The following TRMT44 variants were observed in gnomAD, a reference collection of about 807,000 sequenced individuals.
TRMT44 encodes the protein probable tRNA (uracil-O(2)-)-methyltransferase.
Under a neutral mutation model 77.3 loss-of-function variants are expected in TRMT44, and 78 were observed. The ratio of observed to expected loss-of-function variants is 1.01; its 90% CI spans 0.84 to 1.22. The LOEUF (loss-of-function observed/expected upper bound fraction) is 1.22, where lower values mean the gene tolerates loss of function less well. Among genes scored for constraint, TRMT44 ranks in the 50% most tolerant of loss-of-function variants. TRMT44 has a pLI of 0.00. For missense variants in TRMT44, 1,090 were observed against 964.4 expected, an observed-to-expected ratio of 1.13 and a Z score of -1.73; for synonymous variants, 391 against 383.3, an observed-to-expected ratio of 1.02 and a Z score of -0.23.
At chr4:8,494,116 G>A (rs745615516), downstream of TRMT44, among the ~76,000 whole-genome samples, 3 of 151,178 alleles carry the variant, frequency 2.0e-5, no homozygotes, top group Admixed American at 1.3e-4. Flanking sequence ...AATCAATCTC[G>A]GGACCCCCAA....
intron 2 of TRMT44, among the ~76,000 whole-genome samples, chr4:8,488,314 G>C (rs1003148490): frequency 1.3e-5 from 2 of 152,228 alleles, no homozygotes; most frequent in East Asian, 1.9e-4. Context: ...TGAGCAACAT[G>C]GCTGTTTATT....
chr4:8,441,083 G>A lies in TRMT44; in HGVS notation c.261G>A (p.Ser87=), dbSNP rs762808462. ...GSPGGGPGPR[S]LSGPEQGTAC... ...CCGGAGGGGGCCCGGGTCCCAGGTCGCTATCAGGACCCGAGCAGGGCACGG... is the reference window on the plus strand; with the variant it reads ...CCGGAGGGGGCCCGGGTCCCAGGTCACTATCAGGACCCGAGCAGGGCACGG... Residue 87 remains serine, a synonymous_variant, in exon 1 of 11, where the codon TCG becomes TCA. Transcript: ENST00000389737. The A allele has an allele frequency of 1.0e-5, 15 of 1,493,842 alleles. No homozygotes were observed. Among genetic ancestry groups the A allele is most frequent in the Non-Finnish European group, 1.3e-5 (15 of 1,126,574 alleles). The allele number at this position is 1,493,842 out of a possible 1,614,324, so 92.5% of individuals were successfully genotyped here.
the TRMT44 span, among the ~76,000 whole-genome samples, chr4:8,504,906 G>T: frequency 6.6e-6 from 1 of 152,138 alleles, no homozygotes; most frequent in Non-Finnish European, 1.5e-5. The surrounding 1 kb of genome is among the most constrained non-coding windows in gnomAD (Gnocchi z 5.3). Flanking sequence ...GGTACCTGTT[G>T]CTGTATCTAC....
chr4:8,514,251 C>CTT, the TRMT44 span, among the ~76,000 whole-genome samples: 3,260 of 114,190 alleles, frequency 0.029, 190 homozygotes, highest in African/African-American at 0.097. Context: ...GGGCTCTGAT[C>CTT]TTTTTTTTTT....
At position 8,461,813 on chromosome 4, in the gene TRMT44, G is replaced by A. The variant is rs2109138782; in HGVS notation, c.1204-2172G>A. On this transcript the variant is annotated intron_variant, in intron 6 of 10. Transcript: ENST00000389737. The surrounding 1 kb of genome is among the most constrained non-coding windows in gnomAD (Gnocchi z 4.6). ...CCTTGGAGGAGCATGGCCAGAATGA[G>A]GGTGGTTCCGTTGACGTGCACATGG... 6.6e-6 allele frequency among the ~76,000 whole-genome samples: 1 copy of A among 152,326 alleles called. No individual in the cohort carries two copies. Among genetic ancestry groups the A allele is most frequent in the Middle Eastern group, 3.4e-3 (1 of 294 alleles).
downstream of TRMT44, among the ~76,000 whole-genome samples, chr4:8,497,727 G>A (rs1265831341): frequency 2.0e-5 from 3 of 152,238 alleles, no homozygotes; most frequent in African/African-American, 7.2e-5. Flanking sequence ...CTGAGCTGGT[G>A]TGTACCTTAA....
intron 2 of TRMT44, among the ~76,000 whole-genome samples, chr4:8,487,850 A>G (rs1157121416): frequency 2.0e-5 from 3 of 152,150 alleles, no homozygotes; most frequent in Admixed American, 1.3e-4. Context: ...GAGTGGTCTG[A>G]CACCTCTGAA....
intron 2 of TRMT44, among the ~76,000 whole-genome samples, chr4:8,484,550 G>C (rs944214306): frequency 6.6e-6 from 1 of 152,176 alleles, no homozygotes; most frequent in African/African-American, 2.4e-5. Flanking sequence ...GGACAAAAAG[G>C]CTACACGATG....
chr4:8,441,302 G>C lies in TRMT44; in HGVS notation c.480G>C (p.Leu160Phe). Reference protein sequence around the residue: ...SQSLARGNSELLAFLTSSGAG... With the variant: ...SQSLARGNSEFLAFLTSSGAG... ...GTCTCGCCCGTGGCAATTCGGAGTT[G>C]CTGGCCTTCCTCACCAGCTCCGGGG... The change falls in exon 1 of 11, where the codon TTG (leucine) becomes TTC (phenylalanine). Residue 160 changes from leucine to phenylalanine, a missense_variant. By Grantham distance (22) the Leu-to-Phe change is conservative (BLOSUM62 0). Coordinates refer to ENST00000389737, the MANE Select transcript of TRMT44 (RefSeq NM_152544.3). 6.5e-7 allele frequency: 1 copy of C among 1,535,646 alleles called. No individual in the cohort carries two copies. The highest frequency in any genetic ancestry group is 8.7e-7 in the Non-Finnish European group (1 of 1,146,720).
intron 2 of TRMT44, among the ~76,000 whole-genome samples, chr4:8,485,610 C>T (rs571789034): frequency 6.6e-6 from 1 of 151,990 alleles, no homozygotes; most frequent in Non-Finnish European, 1.5e-5. Context: ...AGAGATGTCC[C>T]ATACTTGTGG....
chr4:8,494,962 T>C (rs2631759), downstream of TRMT44, among the ~76,000 whole-genome samples: 152,304 of 152,304 alleles, frequency 1, 76,152 homozygotes, highest in Non-Finnish European at 1. Context: ...CATCGCGATG[T>C]AGTGCATGGT....
chr4:8,493,053 A>G (rs998809687), intron 2 of TRMT44, among the ~76,000 whole-genome samples: 3 of 152,190 alleles, frequency 2.0e-5, no homozygotes, highest in Non-Finnish European at 4.4e-5. Context: ...GGGGTTCACA[A>G]TGGTTTAACT....
In TRMT44 at chr4:8,472,777, C is replaced by G. The variant is rs1180601939; in HGVS notation, c.2044+1577C>G. ...GTAGACACTGGGCCTGCAGTGCTGG[C>G]TGGGCTGGGCCTGCTGGCTGGGCTG... On this transcript the variant is annotated intron_variant, in intron 10 of 10. Transcript: ENST00000389737. Among the ~76,000 whole-genome samples, 3 of 141,712 alleles carry G rather than the reference C, an allele frequency of 2.1e-5. No homozygotes were observed. The East Asian group carries it at 5.9e-4, about 28-fold the overall frequency. 93.0% of individuals were successfully genotyped at this position (141,712 alleles called of 152,430 possible).
intron 2 of TRMT44, among the ~76,000 whole-genome samples, chr4:8,484,480 A>C (rs1334753903): frequency 2.6e-5 from 4 of 152,234 alleles, no homozygotes; most frequent in Admixed American, 2.0e-4. Flanking sequence ...GTATTAGGGC[A>C]GCAGCAGCTG....
At position 8,446,368 on chromosome 4, in the gene TRMT44, TG is replaced by T; in HGVS notation, c.620-103del. 1.4e-6 allele frequency: 1 copy of T among 700,650 alleles called. No homozygotes were observed. The highest frequency in any genetic ancestry group is 2.4e-6 in the Non-Finnish European group (1 of 411,368). 43.4% of individuals were successfully genotyped at this position (700,650 alleles called of 1,614,324 possible). ...TGGAGTGCCATTGTGAATAGAGTGC[TG>T]GGGGATTGAAAGCATCGTGCTTGAC... On this transcript the variant is annotated intron_variant, in intron 1 of 10. Transcript: ENST00000389737. This position sits in a 1 kb window ranked among gnomAD's most constrained non-coding sequence, Gnocchi z 4.3.
intron 3 of TRMT44, 61 bp downstream of exon 3, chr4:8,449,949 C>CTTTTTTTTTCTTTTTTTTT: frequency 1.3e-5 from 3 of 238,688 alleles, no homozygotes; most frequent in Non-Finnish European, 1.8e-5. Context: ...CTTTTCTTTT[C>CTTTTTTTTTCTTTTTTTTT]TTTTTTTTTT....
chr4:8,475,917 T>C lies in TRMT44; in HGVS notation c.2190T>C (p.Ala730=), dbSNP rs764978794. ...TCATGCATCACCCTGATGGCTGCGCTCTGTCCACGGACTGCTGCCCGTTTG... is the reference window on the plus strand; with the variant it reads ...TCATGCATCACCCTGATGGCTGCGCCCTGTCCACGGACTGCTGCCCGTTTG... ...WFFMHHPDGC[A]LSTDCCPFAH... is the part of the protein sequence containing the mutation. Residue 730 remains alanine, a synonymous_variant, in exon 11 of 11, where the codon GCT becomes GCC. Coordinates refer to ENST00000389737, the MANE Select transcript of TRMT44 (RefSeq NM_152544.3). 6.2e-7 allele frequency: 1 copy of C among 1,614,166 alleles called. No homozygotes were observed. Among genetic ancestry groups the C allele is most frequent in the South Asian group, 1.1e-5 (1 of 91,090 alleles).
chr4:8,494,153 G>T (rs1019471353), downstream of TRMT44, among the ~76,000 whole-genome samples: 1 of 151,742 alleles, frequency 6.6e-6, no homozygotes, highest in African/African-American at 2.4e-5. Flanking sequence ...GAAAAGTCAA[G>T]CTGGGAACTA....
At chr4:8,504,635 C>T in the TRMT44 span, among the ~76,000 whole-genome samples, 5 of 152,144 alleles carry the variant, frequency 3.3e-5, no homozygotes, top group South Asian at 2.1e-4. This position sits in a 1 kb window ranked among gnomAD's most constrained non-coding sequence, Gnocchi z 5.3. Context: ...CTCTTCCACC[C>T]GGGAGGAAGT....
Sources: allele counts gnomAD v4.1 joint callset (sites outside exome capture counted in the v4.1 genomes callset), GRCh38; gene constraint gnomAD v4.1.1; non-coding constraint Gnocchi (gnomAD v3.1); transcripts MANE v1.5; gene names NCBI Gene and HGNC (gene_info 2026-07-23, HGNC 2026-07-21).